UGT2B17: variants seen among roughly 807,000 people sequenced by gnomAD.
UGT2B17 encodes the protein UDP-glucuronosyltransferase 2B17.
Under a neutral mutation model 48.2 loss-of-function variants are expected in UGT2B17, and 21 were observed. That is an observed-to-expected ratio of 0.44 (90% confidence interval 0.31 to 0.63). UGT2B17 has a LOEUF of 0.63. UGT2B17 is among the 20% of genes least tolerant of loss of function. The pLI is 0.08. For missense variants in UGT2B17, 402 were observed against 696.1 expected (o/e 0.58, Z 4.75); for synonymous variants, 146 against 238.4 (o/e 0.61, Z 3.57).
At chr4:68,561,565 A>T (rs1731103753) in intron 3 of UGT2B17, among the ~76,000 whole-genome samples, 1 of 123,996 alleles carries the variant, frequency 8.1e-6, no homozygotes, top group Non-Finnish European at 1.7e-5. Flanking sequence ...TGTGTCTCAC[A>T]GGGGGCACTT....
chr4:68,553,339 G>T (rs1252692924), intron 4 of UGT2B17, among the ~76,000 whole-genome samples: 1 of 126,352 alleles, frequency 7.9e-6, no homozygotes, highest in Non-Finnish European at 1.7e-5. Flanking sequence ...AAAAACAAAT[G>T]TTCTTTTGTT....
At position 68,552,312 on chromosome 4, in the gene UGT2B17, T is replaced by C. The variant is rs1415953687; in HGVS notation, c.1006-401A>G. On this transcript the variant is annotated intron_variant, in intron 4 of 6. Transcript: ENST00000317746. ...ATCTAATTGCCTCATTTGGAGAGGC[T>C]AATCAGAAACTCAAAGGAATTCAGC... Among the ~76,000 whole-genome samples, 2 of 126,158 alleles carry C rather than the reference T, an allele frequency of 1.6e-5. 1 individual carries two copies. The highest frequency in any genetic ancestry group is 5.4e-5 in the African/African-American group (2 of 36,996). The allele number at this position is 126,158 out of a possible 152,430, so 82.8% of individuals were successfully genotyped here.
intron 4 of UGT2B17, among the ~76,000 whole-genome samples, chr4:68,557,534 T>G (rs1457637391): frequency 8.0e-6 from 1 of 124,396 alleles, no homozygotes; most frequent in Non-Finnish European, 1.7e-5. Flanking sequence ...TTTTGTTTTT[T>G]TTTTTAGAGT....
chr4:68,575,159 TA>T lies in UGT2B17; in HGVS notation c.-65+791del, dbSNP rs1429096022. Reference sequence around the variant, plus strand: ...GCTATTAATAAGACCTTGTTTAGTCTAAATTTACTTAGAATTGGTATAGATG... The same window carrying T: ...GCTATTAATAAGACCTTGTTTAGTCTAATTTACTTAGAATTGGTATAGATG... On this transcript the variant is annotated intron_variant, in intron 1 of 6. Transcript: ENST00000317746. 5.0e-5 allele frequency among the ~76,000 whole-genome samples: 6 copies of T among 120,124 alleles called. 2 individuals carry two copies. Among genetic ancestry groups the T allele is most frequent in the Admixed American group, 8.8e-5 (1 of 11,406 alleles). The allele number at this position is 120,124 out of a possible 152,430, so 78.8% of individuals were successfully genotyped here. A position where few individuals can be genotyped will look rare whatever the true frequency, so the allele number is the denominator to read the frequency against.
intron 2 of UGT2B17, among the ~76,000 whole-genome samples, 176 bp from the exon 3 acceptor site, chr4:68,565,896 TA>T (rs1353628043): frequency 3.4e-5 from 4 of 118,850 alleles, no homozygotes. Context: ...TACATTATAT[TA>T]AATACATTAT....
intron 1 of UGT2B17, among the ~76,000 whole-genome samples, chr4:68,569,503 C>T (rs1401207057): frequency 8.0e-6 from 1 of 125,502 alleles, no homozygotes; most frequent in Non-Finnish European, 1.7e-5. Flanking sequence ...CTGCCTGGCA[C>T]CACAGTGATC....
intron 3 of UGT2B17, among the ~76,000 whole-genome samples, chr4:68,561,412 T>A (rs1731100753): frequency 8.0e-6 from 1 of 124,880 alleles, no homozygotes; most frequent in Non-Finnish European, 1.7e-5. Flanking sequence ...CAGTATTATA[T>A]ACTATTTAGT....
chr4:68,570,029 C>A (rs1731274585), intron 1 of UGT2B17, among the ~76,000 whole-genome samples: 2 of 126,168 alleles, frequency 1.6e-5, no homozygotes, highest in Middle Eastern at 7.9e-3. Flanking sequence ...CCACAGCAAC[C>A]AGACAAAGGA....
Position 68,543,152 on chromosome 4 carries a change from C to T in UGT2B17, c.1314-5248G>A, listed in dbSNP as rs184795835. 3.6e-4 allele frequency among the ~76,000 whole-genome samples: 46 copies of T among 126,236 alleles called. 12 individuals are homozygous for T. Among genetic ancestry groups the T allele is most frequent in the African/African-American group, 1.2e-3 (44 of 37,048 alleles). 82.8% of individuals were successfully genotyped at this position (126,236 alleles called of 152,430 possible). On this transcript the variant is annotated intron_variant, in intron 6 of 6. Transcript: ENST00000317746. ...TGGACAGACTGCTACTCAAGTGGGTCCTGATCCCCGAGTAGCCTGACTGGG... is the reference window on the plus strand; with the variant it reads ...TGGACAGACTGCTACTCAAGTGGGTTCTGATCCCCGAGTAGCCTGACTGGG...
At chr4:68,568,817 C>G (rs62317004) in intron 1 of UGT2B17, among the ~76,000 whole-genome samples, 1 of 123,266 alleles carries the variant, frequency 8.1e-6, no homozygotes, top group African/African-American at 2.7e-5. Flanking sequence ...TTTTTAATAT[C>G]GTGGTGCAAG....
rs1330872745 is a variant in UGT2B17, at chr4:68,542,930, A to ACAAAG, written c.1314-5031_1314-5027dup. On this transcript the variant is annotated intron_variant, in intron 6 of 6. Coordinates refer to ENST00000317746, the MANE Select transcript of UGT2B17 (RefSeq NM_001077.4). ...CCATTCCCATGGATTGAATAGGTAA[A>ACAAAG]CAAAGCGGCCCAGAAGCTTGAACTG... Among the ~76,000 whole-genome samples, 2 of 126,452 alleles carry ACAAAG rather than the reference A, an allele frequency of 1.6e-5. 1 individual carries two copies. Among genetic ancestry groups the ACAAAG allele is most frequent in the African/African-American group, 5.4e-5 (2 of 36,948 alleles). 83.0% of individuals were successfully genotyped at this position (126,452 alleles called of 152,430 possible). A position where few individuals can be genotyped will look rare whatever the true frequency, so the allele number is the denominator to read the frequency against.
rs543290288 is a variant in UGT2B17, at chr4:68,562,358, C to T, written c.874-1690G>A. Among the ~76,000 whole-genome samples the T allele has an allele frequency of 1.4e-4, 17 of 125,532 alleles. 6 individuals are homozygous for T. In the South Asian group the frequency reaches 6.3e-3, roughly 47 times the overall value. The allele number at this position is 125,532 out of a possible 152,430, so 82.4% of individuals were successfully genotyped here. A position where few individuals can be genotyped will look rare whatever the true frequency, so the allele number is the denominator to read the frequency against. ...TTGACCTCCTGACCTCATGATCCAC[C>T]TGCCTCGGCCTCCCAAAGTGGTGGG... On this transcript the variant is annotated intron_variant, in intron 3 of 6. Coordinates refer to ENST00000317746, the MANE Select transcript of UGT2B17 (RefSeq NM_001077.4).
rs180900038 is a variant in UGT2B17, at chr4:68,565,078, A to G, written c.873+494T>C. 7.5e-3 allele frequency among the ~76,000 whole-genome samples: 945 copies of G among 125,326 alleles called. 156 individuals are homozygous for G. Among genetic ancestry groups the G allele is most frequent in the African/African-American group, 0.025 (908 of 36,676 alleles). 82.2% of individuals were successfully genotyped at this position (125,326 alleles called of 152,430 possible). A position where few individuals can be genotyped will look rare whatever the true frequency, so the allele number is the denominator to read the frequency against. On this transcript the variant is annotated intron_variant, in intron 3 of 6. Transcript: ENST00000317746. ...TATCTCTGCACATTATTGAGTACTCACTTTAATTGTCAATGAGTTTGGGAT... is the reference window on the plus strand; with the variant it reads ...TATCTCTGCACATTATTGAGTACTCGCTTTAATTGTCAATGAGTTTGGGAT...
intron 3 of UGT2B17, among the ~76,000 whole-genome samples, chr4:68,562,253 T>A (rs1731117765): frequency 8.1e-6 from 1 of 123,986 alleles, no homozygotes; most frequent in Non-Finnish European, 1.7e-5. Context: ...GTAGCTGGGA[T>A]TACAGGCACC....
chr4:68,547,635 G>A (rs1485290713), intron 6 of UGT2B17, among the ~76,000 whole-genome samples: 1 of 126,018 alleles, frequency 7.9e-6, no homozygotes, highest in Non-Finnish European at 1.7e-5. Flanking sequence ...AGATTGAACA[G>A]GCAACCTACA....
chr4:68,568,648 T>C, intron 1 of UGT2B17, 100 bp from the exon 2 acceptor site: 1 of 709,538 alleles, frequency 1.4e-6, no homozygotes, highest in Non-Finnish European at 1.9e-6. Flanking sequence ...TTACAATTAC[T>C]CTAGTCAAGC....
In UGT2B17 at chr4:68,569,627, C is replaced by G. The variant is rs1469518803; in HGVS notation, c.-64-1079G>C. On this transcript the variant is annotated intron_variant, in intron 1 of 6. Coordinates refer to ENST00000317746, the MANE Select transcript of UGT2B17 (RefSeq NM_001077.4). Reference sequence around the variant, plus strand: ...GGCCCAGTCCCAAGATGCAAGGCTGCTTGCATCAGCAGCGTGTGTCAGCAA... The same window carrying G: ...GGCCCAGTCCCAAGATGCAAGGCTGGTTGCATCAGCAGCGTGTGTCAGCAA... Among the ~76,000 whole-genome samples, 4 of 125,210 alleles carry G rather than the reference C, an allele frequency of 3.2e-5. 1 individual carries two copies. Among genetic ancestry groups the G allele is most frequent in the African/African-American group, 1.1e-4 (4 of 36,480 alleles). 82.1% of individuals were successfully genotyped at this position (125,210 alleles called of 152,430 possible).
chr4:68,566,048 A>G lies in UGT2B17; in HGVS notation c.725-328T>C, dbSNP rs1380993465. On this transcript the variant is annotated intron_variant, in intron 2 of 6. Transcript: ENST00000317746. ...AAAGTTTAATATTTAATATTAATAAAATTTTATTAATTTTATTTTATTAAT... is the reference window on the plus strand; with the variant it reads ...AAAGTTTAATATTTAATATTAATAAGATTTTATTAATTTTATTTTATTAAT... 1.5e-4 allele frequency among the ~76,000 whole-genome samples: 18 copies of G among 118,562 alleles called. 4 individuals are homozygous for G. The highest frequency in any genetic ancestry group is 4.0e-4 in the African/African-American group (14 of 35,414). 77.8% of individuals were successfully genotyped at this position (118,562 alleles called of 152,430 possible). A position where few individuals can be genotyped will look rare whatever the true frequency, so the allele number is the denominator to read the frequency against.
At chr4:68,545,411 A>G (rs1379390011) in intron 6 of UGT2B17, among the ~76,000 whole-genome samples, 1 of 125,322 alleles carries the variant, frequency 8.0e-6, no homozygotes, top group Non-Finnish European at 1.7e-5. Flanking sequence ...AATCTCTGGG[A>G]CGCATTCAAA....
Sources: gnomAD v4.1 joint callset for allele counts (sites outside exome capture counted in the v4.1 genomes callset) on GRCh38, gnomAD v4.1.1 for gene constraint, MANE v1.5 for transcripts, NCBI Gene and HGNC (gene_info 2026-07-23, HGNC 2026-07-21) for gene names.